Variants in WDR72 observed in about 807,000 individuals in gnomAD.
The protein encoded by WDR72 is WD repeat-containing protein 72.
A neutral mutation model predicts 124.2 loss-of-function variants in WDR72; 120 were observed. The ratio of observed to expected loss-of-function variants is 0.97; its 90% confidence interval spans 0.83 to 1.12. WDR72 has a LOEUF of 1.12. WDR72 is among the 50% of genes most tolerant of loss of function. WDR72 has a pLI of 0.00. For missense variants in WDR72, 1,387 were observed against 1,278.8 expected, an observed-to-expected ratio of 1.08 and a Z score of -1.29; for synonymous variants, 452 against 441.7, an observed-to-expected ratio of 1.02 and a Z score of -0.29.
chr15:53,723,486 T>C (rs1208143411), intron 2 of WDR72, among the ~76,000 whole-genome samples: 4 of 152,226 alleles, frequency 2.6e-5, no homozygotes, highest in Non-Finnish European at 5.9e-5. Context: ...GAGAGGTATC[T>C]GTACCCCCAT....
intron 13 of WDR72, among the ~76,000 whole-genome samples, chr15:53,675,731 T>G (rs1221938069): frequency 6.6e-6 from 1 of 152,210 alleles, no homozygotes; most frequent in African/African-American, 2.4e-5. Flanking sequence ...GTCAATTAAT[T>G]TAATCAGATC....
At chr15:53,567,034 A>G (rs1445133578) in intron 18 of WDR72, among the ~76,000 whole-genome samples, 4 of 151,954 alleles carry the variant, frequency 2.6e-5, no homozygotes, top group African/African-American at 9.7e-5. Flanking sequence ...CAGTCCCAGG[A>G]GAGTGTCTGG....
Position 53,705,386 on chromosome 15 carries a change from A to G in WDR72, c.1103-153T>C, listed in dbSNP as rs577936777. On this transcript the variant is annotated intron_variant, in intron 10 of 19. Coordinates refer to ENST00000360509, the MANE Select transcript of WDR72 (RefSeq NM_182758.4). The stretch of plus-strand genomic sequence containing the variant: ...CAGCATTCATCTCTTGGGAAGTTCA[A>G]TTGATGTTAACATGAATTATATTGG... 3.3e-5 allele frequency among the ~76,000 whole-genome samples: 5 copies of G among 152,298 alleles called. No individual in the cohort carries two copies. In the East Asian group the frequency reaches 7.7e-4, roughly 23 times the overall value.
upstream of WDR72, among the ~76,000 whole-genome samples, chr15:53,760,589 C>G (rs1286637438): frequency 6.6e-6 from 1 of 152,144 alleles, no homozygotes; most frequent in African/African-American, 2.4e-5. Flanking sequence ...GGTTGATGGA[C>G]AACTTAGGTT....
intron 17 of WDR72, among the ~76,000 whole-genome samples, chr15:53,604,646 C>G (rs1168599266): frequency 1.3e-5 from 2 of 151,832 alleles, no homozygotes; most frequent in Non-Finnish European, 2.9e-5. Context: ...AAAAAAAACT[C>G]TATTAAAACA....
chr15:53,720,045 G>C (rs1041278451), intron 3 of WDR72, among the ~76,000 whole-genome samples: 1 of 151,782 alleles, frequency 6.6e-6, no homozygotes, highest in African/African-American at 2.4e-5. Context: ...TATGTAATTG[G>C]AATGACTATT....
intron 14 of WDR72, among the ~76,000 whole-genome samples, chr15:53,651,674 A>T (rs941948803): frequency 1.8e-4 from 28 of 152,290 alleles, no homozygotes; most frequent in Non-Finnish European, 8.8e-5. Context: ...TTGTTTTGAG[A>T]CAGAATCTTG....
At chr15:53,758,953 T>G (rs2018991556) in intron 1 of WDR72, among the ~76,000 whole-genome samples, 1 of 152,122 alleles carries the variant, frequency 6.6e-6, no homozygotes, top group South Asian at 2.1e-4. Flanking sequence ...TTTCCAGATT[T>G]TGTCAGCACA....
intron 18 of WDR72, among the ~76,000 whole-genome samples, chr15:53,595,221 G>C (rs2012714448): frequency 6.6e-6 from 1 of 152,044 alleles, no homozygotes; most frequent in Non-Finnish European, 1.5e-5. Context: ...TTAATCAAAA[G>C]AGAGTTAATA....
At chr15:53,632,077 G>A (rs1277812707) in intron 14 of WDR72, among the ~76,000 whole-genome samples, 1 of 152,056 alleles carries the variant, frequency 6.6e-6, no homozygotes, top group Non-Finnish European at 1.5e-5. Context: ...AAGACAATGA[G>A]GAGAAGTCTT....
intron 13 of WDR72, among the ~76,000 whole-genome samples, chr15:53,698,204 A>AT (rs1263809571): frequency 1.3e-5 from 2 of 152,244 alleles, no homozygotes; most frequent in African/African-American, 4.8e-5. Context: ...AAATACATAA[A>AT]TAAAAAGTTA....
chr15:53,639,516 TTTTA>T (rs1309241387), intron 14 of WDR72, among the ~76,000 whole-genome samples: 3 of 145,966 alleles, frequency 2.1e-5, no homozygotes, highest in Non-Finnish European at 4.5e-5. Flanking sequence ...TTATATATAA[TTTTA>T]TTTATTTATA....
chr15:53,648,545 C>G (rs1476271147), intron 14 of WDR72, among the ~76,000 whole-genome samples: 1 of 152,110 alleles, frequency 6.6e-6, no homozygotes, highest in Non-Finnish European at 1.5e-5. Flanking sequence ...TTAGCCAGAA[C>G]TGGCTCACCA....
At chr15:53,569,922 A>C (rs1894448499) in intron 18 of WDR72, among the ~76,000 whole-genome samples, 1 of 152,122 alleles carries the variant, frequency 6.6e-6, no homozygotes, top group Admixed American at 6.6e-5. Context: ...TGTGGTCTTC[A>C]GTGAAATGTA....
intron 14 of WDR72, among the ~76,000 whole-genome samples, chr15:53,658,547 A>G (rs1281852535): frequency 1.3e-5 from 2 of 152,214 alleles, no homozygotes; most frequent in Non-Finnish European, 2.9e-5. Context: ...CCATCTATAC[A>G]AAAAGGTATA....
chr15:53,544,723 T>A (rs1893354094), intron 18 of WDR72, among the ~76,000 whole-genome samples: 1 of 147,072 alleles, frequency 6.8e-6, no homozygotes, highest in African/African-American at 2.6e-5. Flanking sequence ...AGTCAAATTG[T>A]CCCTGTTTGC....
chr15:53,743,365 A>G (rs2018559336), intron 1 of WDR72, among the ~76,000 whole-genome samples: 1 of 152,110 alleles, frequency 6.6e-6, no homozygotes, highest in Non-Finnish European at 1.5e-5. Context: ...TTATTTTAGT[A>G]TTACATATTT....
chr15:53,759,404 A>C (rs1268190794), intron 1 of WDR72: 3 of 151,070 alleles, frequency 2.0e-5, no homozygotes, highest in Admixed American at 6.6e-5. Flanking sequence ...TTGAAGAGGG[A>C]CTTTTCCAGT....
At chr15:53,575,514 T>G (rs1466297807) in intron 18 of WDR72, among the ~76,000 whole-genome samples, 1 of 152,124 alleles carries the variant, frequency 6.6e-6, no homozygotes, top group Admixed American at 6.6e-5. Context: ...AAAGATGAAC[T>G]GAAGGTTTAA....
Sources: gnomAD v4.1 joint callset for allele counts (sites outside exome capture counted in the v4.1 genomes callset) on GRCh38, gnomAD v4.1.1 for gene constraint, MANE v1.5 for transcripts, NCBI Gene and HGNC (gene_info 2026-07-23, HGNC 2026-07-21) for gene names.